The following FZR1 variants were observed in gnomAD, a reference collection of about 807,000 sequenced individuals.
FZR1 encodes fizzy and cell division cycle 20 related 1.
In FZR1, 11 loss-of-function variants were observed where a neutral mutation model predicts 63.6. The ratio of observed to expected loss-of-function variants is 0.17; its 90% CI spans 0.11 to 0.29. The LOEUF is 0.29. Ranked by LOEUF, FZR1 falls within the 10% of genes least tolerant of loss-of-function variation. FZR1 has a pLI of 1.00. For missense variants in FZR1, 440 were observed against 687.5 expected (o/e 0.64, Z 4.03); for synonymous variants, 328 against 297.9 (o/e 1.10, Z -1.04).
In FZR1 at chr19:3,531,923, G is replaced by T; in HGVS notation, c.836G>T (p.Trp279Leu). Reference protein sequence around the residue: ...GHTARVGALAWNAEQLSSGSR... With the variant: ...GHTARVGALALNAEQLSSGSR... ...ACCTGGCCTCCAGGGGCGCTGGCCTGGAATGCTGAGCAGCTGTCGTCCGGG... is the reference window on the plus strand; with the variant it reads ...ACCTGGCCTCCAGGGGCGCTGGCCTTGAATGCTGAGCAGCTGTCGTCCGGG... Residue 279 changes from tryptophan to leucine, a missense_variant, in exon 10 of 14, where the codon TGG (tryptophan) becomes TTG (leucine). Trp to Leu is a moderately conservative substitution (Grantham distance 61). Coordinates refer to ENST00000441788, the MANE Select transcript of FZR1 (RefSeq NM_016263.4). The T allele has an allele frequency of 6.3e-7, 1 of 1,596,266 alleles. No individual in the cohort carries two copies. The highest frequency in any genetic ancestry group is 2.3e-5 in the East Asian group (1 of 44,238).
chr19:3,534,340 T>C (rs1200216829), intron 12 of FZR1, 81 bp from the exon 13 acceptor site: 1 of 715,176 alleles, frequency 1.4e-6, no homozygotes, highest in Non-Finnish European at 2.4e-6. Flanking sequence ...GACACCTTGC[T>C]CCCCTCTCCT....
rs1232933129 is a variant in FZR1 at position 3,527,732 on chromosome 19, A to G, written c.572A>G (p.Asn191Ser). The G allele has an allele frequency of 1.9e-6, 3 of 1,612,512 alleles. No individual in the cohort carries two copies. Among genetic ancestry groups the G allele is most frequent in the East Asian group, 2.2e-5 (1 of 44,880 alleles). Residue 191 changes from asparagine to serine, a missense_variant, in exon 7 of 14, where the codon AAT becomes AGT. By Grantham distance (46) the Asn-to-Ser change is conservative. This residue lies in a region of FZR1 where 208 missense variants were observed against 363.6 expected (regional missense o/e 0.57). Transcript: ENST00000441788. ...GAGCTGCAGGACGACTTCTACCTCA[A>G]TCTGGTGGACTGGTCGTCCCTCAAT... ...APELQDDFYL[N>S]LVDWSSLNVL... is the part of the protein sequence containing the mutation.
At chr19:3,527,896 G>T in intron 7 of FZR1, 82 bp downstream of exon 7, 1 of 1,169,582 alleles carries the variant, frequency 8.6e-7, no homozygotes. Flanking sequence ...GGGATCCAGG[G>T]AGCATCAGTA....
chr19:3,520,278 C>G (rs745432672), intron 1 of FZR1, among the ~76,000 whole-genome samples: 29 of 152,068 alleles, frequency 1.9e-4, no homozygotes, highest in African/African-American at 7.0e-4. Flanking sequence ...CCATTCTGGG[C>G]GAGGGAGAAG....
chr19:3,516,560 G>A lies in FZR1; in HGVS notation c.-34-6396G>A, dbSNP rs952629391. ...GGGTCCCGGAGCTGAGCTGAGCACCGCTAGCAGCACCGGGCAAGTGTCCAG... is the reference window on the plus strand; with the variant it reads ...GGGTCCCGGAGCTGAGCTGAGCACCACTAGCAGCACCGGGCAAGTGTCCAG... On this transcript the variant is annotated intron_variant, in intron 1 of 13. Coordinates refer to ENST00000441788, the MANE Select transcript of FZR1 (RefSeq NM_016263.4). The surrounding 1 kb of genome is among the most constrained non-coding windows in gnomAD (Gnocchi z 6.0). 1.3e-5 allele frequency among the ~76,000 whole-genome samples: 2 copies of A among 152,160 alleles called. No individual in the cohort carries two copies. The highest frequency in any genetic ancestry group is 2.9e-5 in the Non-Finnish European group (2 of 68,032).
At chr19:3,507,147 A>T (rs923758662) in intron 1 of FZR1, among the ~76,000 whole-genome samples, 1 of 65,656 alleles carries the variant, frequency 1.5e-5, no homozygotes, top group Non-Finnish European at 3.3e-5. Flanking sequence ...CTGCTCCCCC[A>T]CCCTCCCAGC....
Position 3,516,665 on chromosome 19 carries a change from G to A in FZR1, c.-34-6291G>A, listed in dbSNP as rs994334538. On this transcript the variant is annotated intron_variant, in intron 1 of 13. Transcript: ENST00000441788. This position sits in a 1 kb window ranked among gnomAD's most constrained non-coding sequence, Gnocchi z 6.0. ...AGGTGGGAAGACAGTCTGCACACCCGTCTTGTGCACCCCTGCCCTCACTGC... is the reference window on the plus strand; with the variant it reads ...AGGTGGGAAGACAGTCTGCACACCCATCTTGTGCACCCCTGCCCTCACTGC... Among the ~76,000 whole-genome samples, 4 of 152,206 alleles carry A rather than the reference G, an allele frequency of 2.6e-5. No individual in the cohort carries two copies. Among genetic ancestry groups the A allele is most frequent in the Non-Finnish European group, 5.9e-5 (4 of 68,034 alleles).
At position 3,533,457 on chromosome 19, in the gene FZR1, A is replaced by G; in HGVS notation, c.1347+59A>G. Reference sequence around the variant, plus strand: ...GGATTCTGGACAAACTGCCATGGCCACCCCAGAGCACCCTGTCCTGTGTTC... The same window carrying G: ...GGATTCTGGACAAACTGCCATGGCCGCCCCAGAGCACCCTGTCCTGTGTTC... On this transcript the variant is annotated intron_variant, in intron 12 of 13. Transcript: ENST00000441788. The surrounding 1 kb of genome is among the most constrained non-coding windows in gnomAD (Gnocchi z 4.9). 1.1e-6 allele frequency: 1 copy of G among 947,734 alleles called. No individual in the cohort carries two copies. The allele number at this position is 947,734 out of a possible 1,614,324, so 58.7% of individuals were successfully genotyped here. A position where few individuals can be genotyped will look rare whatever the true frequency, so the allele number is the denominator to read the frequency against.
At position 3,525,444 on chromosome 19, in the gene FZR1, T is replaced by TTC. The variant is rs2083145486; in HGVS notation, c.70-423_70-422insCT. On this transcript the variant is annotated intron_variant, in intron 2 of 13. Transcript: ENST00000441788. The surrounding 1 kb of genome is among the most constrained non-coding windows in gnomAD (Gnocchi z 4.2). ...CTCCTTGGGTTTTCTTTTTTTTTTT[T>TTC]TTTTTTTTTTTTTTTTGAGACGGAG... Among the ~76,000 whole-genome samples the TTC allele has an allele frequency of 7.4e-6, 1 of 135,872 alleles. No homozygotes were observed. The highest frequency in any genetic ancestry group is 2.8e-5 in the African/African-American group (1 of 36,088). The allele number at this position is 135,872 out of a possible 152,430, so 89.1% of individuals were successfully genotyped here. A position where few individuals can be genotyped will look rare whatever the true frequency, so the allele number is the denominator to read the frequency against.
At chr19:3,523,160 G>A (rs1367782271) in intron 2 of FZR1, 102 bp downstream of exon 2, 11 of 794,066 alleles carry the variant, frequency 1.4e-5, no homozygotes, top group East Asian at 4.9e-5. Flanking sequence ...AAAGCCCCAC[G>A]GACCACTCAG....
intron 1 of FZR1, among the ~76,000 whole-genome samples, chr19:3,507,908 G>T (rs1243069930): frequency 6.6e-6 from 1 of 152,258 alleles, no homozygotes; most frequent in Non-Finnish European, 1.5e-5. Context: ...GCCACTGGCC[G>T]CTGCCCGGCG....
Position 3,516,911 on chromosome 19 carries a change from C to A in FZR1, c.-34-6045C>A, listed in dbSNP as rs539586816. 6.6e-6 allele frequency among the ~76,000 whole-genome samples: 1 copy of A among 152,234 alleles called. No homozygotes were observed. The highest frequency in any genetic ancestry group is 1.5e-5 in the Non-Finnish European group (1 of 68,042). On this transcript the variant is annotated intron_variant, in intron 1 of 13. Transcript: ENST00000441788. The surrounding 1 kb of genome is among the most constrained non-coding windows in gnomAD (Gnocchi z 6.0). ...CTGGGCAGCGATGTGTGCCAGGGGC[C>A]GTGTGCAGCTGCAGCTGGCGCCCGG...
rs1462610312 is a variant in FZR1, at chr19:3,516,277, T to C, written c.-34-6679T>C. 2.0e-5 allele frequency among the ~76,000 whole-genome samples: 3 copies of C among 152,144 alleles called. No individual in the cohort carries two copies. Among genetic ancestry groups the C allele is most frequent in the Admixed American group, 6.5e-5 (1 of 15,276 alleles). Reference sequence around the variant, plus strand: ...CGGGAGGGTGGTGTCCTCGGTTGGATTGGCAGCTCCTGACTGCGAGGGAGG... The same window carrying C: ...CGGGAGGGTGGTGTCCTCGGTTGGACTGGCAGCTCCTGACTGCGAGGGAGG... On this transcript the variant is annotated intron_variant, in intron 1 of 13. Coordinates refer to ENST00000441788, the MANE Select transcript of FZR1 (RefSeq NM_016263.4). The surrounding 1 kb of genome is among the most constrained non-coding windows in gnomAD (Gnocchi z 6.0).
At chr19:3,523,931 C>T (rs2083127254) in intron 2 of FZR1, among the ~76,000 whole-genome samples, 1 of 152,232 alleles carries the variant, frequency 6.6e-6, no homozygotes. Context: ...ACCACAGCCG[C>T]CTTCTCCCCC....
intron 10 of FZR1, 33 bp from the exon 11 acceptor site, chr19:3,532,384 G>GACAGCCCTGGCCTC: frequency 1.3e-6 from 2 of 1,530,452 alleles, no homozygotes; most frequent in Non-Finnish European, 8.9e-7. Context: ...ACAGGGCTGG[G>GACAGCCCTGGCCTC]ACAGCCCCGG....
chr19:3,518,543 C>T (rs1297814251), intron 1 of FZR1, among the ~76,000 whole-genome samples: 1 of 152,086 alleles, frequency 6.6e-6, no homozygotes, highest in African/African-American at 2.4e-5. Context: ...GAATACAGTC[C>T]TGGAGCCGTT....
chr19:3,528,770 C>CGTGGATGGGTGCGTGGATGGGAGA (rs2083191500), intron 7 of FZR1, among the ~76,000 whole-genome samples: 1 of 92,268 alleles, frequency 1.1e-5, no homozygotes, highest in African/African-American at 4.9e-5. Context: ...TGGATGGGTG[C>CGTGGATGGGTGCGTGGATGGGAGA]GTGGATGGGT....
Position 3,526,086 on chromosome 19 carries a change from C to T in FZR1, c.196-34C>T. 1.2e-6 allele frequency: 2 copies of T among 1,612,346 alleles called. No homozygotes were observed. Among genetic ancestry groups the T allele is most frequent in the Non-Finnish European group, 1.7e-6 (2 of 1,179,600 alleles). ...TCTAGGGCCGGGAACAAGCGGGCTCCTCGACCCCTCCCTCTCTGCTCTCCT... is the reference window on the plus strand; with the variant it reads ...TCTAGGGCCGGGAACAAGCGGGCTCTTCGACCCCTCCCTCTCTGCTCTCCT... On this transcript the variant is annotated intron_variant, in intron 3 of 13. Coordinates refer to ENST00000441788, the MANE Select transcript of FZR1 (RefSeq NM_016263.4). This position sits in a 1 kb window ranked among gnomAD's most constrained non-coding sequence, Gnocchi z 5.4.
intron 1 of FZR1, among the ~76,000 whole-genome samples, chr19:3,509,646 C>G (rs1343401247): frequency 1.3e-5 from 2 of 152,232 alleles, no homozygotes; most frequent in African/African-American, 4.8e-5. Flanking sequence ...CCACCTGTCT[C>G]CCCTGCCTCT....
Sources: gnomAD v4.1 joint callset for allele counts (sites outside exome capture counted in the v4.1 genomes callset) on GRCh38, gnomAD v4.1.1 for gene constraint, gnomAD v4.1.1 regional missense constraint, Gnocchi (gnomAD v3.1) non-coding constraint, MANE v1.5 for transcripts, NCBI Gene and HGNC (gene_info 2026-07-23, HGNC 2026-07-21) for gene names.